Variants in MKLN1 observed in about 807,000 individuals in gnomAD.
MKLN1 encodes muskelin 1, also known as muskelin.
Under a neutral mutation model 99.0 loss-of-function variants are expected in MKLN1, and 18 were observed. That is an observed-to-expected ratio of 0.18 (90% CI 0.13 to 0.27). MKLN1 has a LOEUF of 0.27. Ranked by LOEUF, MKLN1 falls within the 10% of genes least tolerant of loss-of-function variation. The pLI, the probability that MKLN1 is intolerant of heterozygous loss-of-function variation, is 1.00. For missense variants in MKLN1, 621 were observed against 875.9 expected (o/e 0.71, Z 3.67); for synonymous variants, 288 against 293.2 (o/e 0.98, Z 0.18).
chr7:131,396,023 TTG>T (rs1425260355), intron 4 of MKLN1, among the ~76,000 whole-genome samples: 1 of 150,854 alleles, frequency 6.6e-6, no homozygotes, highest in African/African-American at 2.5e-5. Flanking sequence ...AAGTTGATTT[TTG>T]TGTGTTTACC....
At chr7:131,478,959 G>A in intron 17 of MKLN1, 1 of 427,912 alleles carries the variant, frequency 2.3e-6, no homozygotes. Flanking sequence ...GTATAGCACT[G>A]CCTTGGAATG....
chr7:131,321,010 G>A (rs1234672899), intron 3 of MKLN1, among the ~76,000 whole-genome samples: 1 of 152,140 alleles, frequency 6.6e-6, no homozygotes, highest in Admixed American at 6.5e-5. Context: ...AACCATTGTG[G>A]AAGACAGTGT....
intron 2 of MKLN1, among the ~76,000 whole-genome samples, chr7:131,170,005 G>A (rs760285547): frequency 4.6e-5 from 7 of 152,078 alleles, no homozygotes; most frequent in East Asian, 1.9e-4. Context: ...TGGGAGGATC[G>A]CTTGAGCCCA....
At chr7:131,213,441 C>T (rs996554081) in intron 3 of MKLN1, among the ~76,000 whole-genome samples, 3 of 152,104 alleles carry the variant, frequency 2.0e-5, no homozygotes, top group Non-Finnish European at 2.9e-5. Context: ...ATTTAAATAC[C>T]GGTCTTCTGG....
chr7:131,478,607 T>TTG lies in MKLN1; in HGVS notation c.2032-15_2032-14insGT, dbSNP rs767940991. On this transcript the variant is annotated splice_polypyrimidine_tract_variant and intron_variant, in intron 16 of 17. Coordinates refer to ENST00000352689, the MANE Select transcript of MKLN1 (RefSeq NM_013255.5). ...TAATTTGCTGCTTCTTTTTTTTTTTTTTTTTTTTTAAACAGTTTCAGCTCC... is the reference window on the plus strand; with the variant it reads ...TAATTTGCTGCTTCTTTTTTTTTTTTTGTTTTTTTTTAAACAGTTTCAGCTCC... The TTG allele has an allele frequency of 3.6e-4, 520 of 1,436,112 alleles. No individual in the cohort carries two copies. Among genetic ancestry groups the TTG allele is most frequent in the Middle Eastern group, 3.8e-4 (2 of 5,258 alleles). 89.0% of individuals were successfully genotyped at this position (1,436,112 alleles called of 1,614,324 possible).
chr7:131,183,449 G>A (rs1323507595), intron 2 of MKLN1, among the ~76,000 whole-genome samples: 1 of 152,150 alleles, frequency 6.6e-6, no homozygotes, highest in Non-Finnish European at 1.5e-5. Flanking sequence ...TTCATTCTCT[G>A]TCTGGTCCTG....
intron 7 of MKLN1, among the ~76,000 whole-genome samples, chr7:131,412,946 G>C (rs1794919853): frequency 6.6e-6 from 1 of 152,108 alleles, no homozygotes; most frequent in Non-Finnish European, 1.5e-5. Context: ...TATTTTATCA[G>C]TCATGTATGA....
At chr7:131,369,017 C>A (rs1167756971) in intron 1 of MKLN1, among the ~76,000 whole-genome samples, 1 of 151,938 alleles carries the variant, frequency 6.6e-6, no homozygotes, top group Non-Finnish European at 1.5e-5. Flanking sequence ...CACACACACA[C>A]ACACACATAT....
intron 3 of MKLN1, among the ~76,000 whole-genome samples, chr7:131,249,130 C>T (rs1797539476): frequency 6.6e-6 from 1 of 152,154 alleles, no homozygotes; most frequent in African/African-American, 2.4e-5. Context: ...AAGGAATCTT[C>T]CCTGGGCAAT....
intron 3 of MKLN1, among the ~76,000 whole-genome samples, chr7:131,252,793 C>T (rs1463628291): frequency 1.3e-5 from 2 of 152,114 alleles, no homozygotes; most frequent in Non-Finnish European, 2.9e-5. Context: ...CTGTGGTGCT[C>T]TGTTCTTGGC....
intron 3 of MKLN1, chr7:131,310,309 T>A (rs975135140): frequency 2.0e-5 from 3 of 152,222 alleles, no homozygotes; most frequent in Non-Finnish European, 4.4e-5. Context: ...ACTTGCATTC[T>A]TCAGATAAAA....
chr7:131,137,275 C>A (rs1276927109), intron 1 of MKLN1, among the ~76,000 whole-genome samples: 1 of 152,100 alleles, frequency 6.6e-6, no homozygotes, highest in Non-Finnish European at 1.5e-5. Context: ...ATAAAAAGAT[C>A]AGAAAAATGT....
In MKLN1 at chr7:131,445,794, A is replaced by G. The variant is rs1795997417; in HGVS notation, c.1416A>G (p.Val472=). 1.3e-6 allele frequency: 2 copies of G among 1,597,344 alleles called. No homozygotes were observed. Among genetic ancestry groups the G allele is most frequent in the Non-Finnish European group, 8.5e-7 (1 of 1,171,624 alleles). Residue 472 remains valine (V), a synonymous_variant, in exon 12 of 18, where the codon GTA becomes GTG. Transcript: ENST00000352689. ...TTCAGAAAAATCGTTGCTTATATGTATTTGGTGGCCAGCGATCAAAGACCT... is the reference window on the plus strand; with the variant it reads ...TTCAGAAAAATCGTTGCTTATATGTGTTTGGTGGCCAGCGATCAAAGACCT... ...LFHSKNRCLY[V]FGGQRSKTYL...
chr7:131,187,929 C>T (rs1796476853), intron 2 of MKLN1, among the ~76,000 whole-genome samples: 1 of 152,034 alleles, frequency 6.6e-6, no homozygotes, highest in Admixed American at 6.6e-5. Context: ...GTACCCCAGC[C>T]TGGGTGACAG....
At chr7:131,348,437 G>A (rs1250147707) in intron 1 of MKLN1, among the ~76,000 whole-genome samples, 3 of 151,816 alleles carry the variant, frequency 2.0e-5, no homozygotes, top group Non-Finnish European at 4.4e-5. Context: ...AGGTACACAA[G>A]TTTTTATAGA....
intron 4 of MKLN1, among the ~76,000 whole-genome samples, chr7:131,392,983 A>G (rs967680909): frequency 6.6e-6 from 1 of 151,530 alleles, no homozygotes; most frequent in African/African-American, 2.4e-5. Context: ...TGCAACCTCC[A>G]GTTCCTGGGC....
intron 2 of MKLN1, among the ~76,000 whole-genome samples, chr7:131,199,682 T>C (rs867932868): frequency 1.3e-5 from 2 of 152,198 alleles, no homozygotes; most frequent in African/African-American, 2.4e-5. Flanking sequence ...GTGAAATATT[T>C]TCCTGAGTCT....
intron 17 of MKLN1, among the ~76,000 whole-genome samples, chr7:131,486,246 A>G (rs1268238034): frequency 8.0e-6 from 1 of 125,538 alleles, no homozygotes; most frequent in Non-Finnish European, 1.7e-5. Flanking sequence ...AAAAGAAGCA[A>G]TTTGGAAATT....
chr7:131,215,521 T>G (rs1250275518), intron 3 of MKLN1, among the ~76,000 whole-genome samples: 2 of 151,012 alleles, frequency 1.3e-5, no homozygotes, highest in African/African-American at 4.9e-5. Context: ...ATTTTTAGAT[T>G]ATCCGGGGAT....
Sources: allele counts gnomAD v4.1 joint callset (sites outside exome capture counted in the v4.1 genomes callset), GRCh38; gene constraint gnomAD v4.1.1; transcripts MANE v1.5; gene names NCBI Gene and HGNC (gene_info 2026-07-23, HGNC 2026-07-21).